KCNIP4: variants seen among roughly 807,000 people sequenced by gnomAD.
The protein encoded by KCNIP4 is potassium voltage-gated channel interacting protein 4.
In KCNIP4, 12 loss-of-function variants were observed where a neutral mutation model predicts 34.0. The observed-to-expected ratio is 0.35, with a 90% confidence interval of 0.23 to 0.57. The LOEUF (loss-of-function observed/expected upper bound fraction) is 0.57, where lower values mean the gene tolerates loss of function less well. Among genes scored for constraint, KCNIP4 ranks in the 20% least tolerant of loss-of-function variants. The pLI, the probability that KCNIP4 is intolerant of heterozygous loss-of-function variation, is 0.83. For synonymous variants in KCNIP4, 124 were observed against 102.2 expected, an observed-to-expected ratio of 1.21 and a Z score of -1.29; for missense variants, 238 against 311.7, an observed-to-expected ratio of 0.76 and a Z score of 1.78.
intron 1 of KCNIP4, among the ~76,000 whole-genome samples, chr4:21,386,748 G>A (rs1722069111): frequency 6.6e-6 from 1 of 152,094 alleles, no homozygotes; most frequent in African/African-American, 2.4e-5. Flanking sequence ...AGTGTTTATG[G>A]TGCCAGACAC....
intron 1 of KCNIP4, among the ~76,000 whole-genome samples, chr4:20,895,631 G>T (rs563096413): frequency 6.6e-6 from 1 of 152,138 alleles, no homozygotes. Context: ...TTCAATAAAA[G>T]TCTTTATTCA....
At chr4:20,919,350 G>A (rs188413170) in intron 1 of KCNIP4, among the ~76,000 whole-genome samples, 28 of 151,920 alleles carry the variant, frequency 1.8e-4, no homozygotes, top group Admixed American at 1.6e-3. Context: ...GGCTGCCTTT[G>A]GGCAGTTTGT....
chr4:21,888,928 G>A (rs545705645), intron 1 of KCNIP4, among the ~76,000 whole-genome samples: 54 of 152,170 alleles, frequency 3.5e-4, no homozygotes, highest in African/African-American at 1.1e-3. Context: ...TAAGCATATC[G>A]AATCTGAAAA....
intron 1 of KCNIP4, among the ~76,000 whole-genome samples, chr4:21,212,800 C>A (rs1448140285): frequency 1.3e-5 from 2 of 152,168 alleles, no homozygotes; most frequent in Non-Finnish European, 2.9e-5. Flanking sequence ...AAAGTCTCGA[C>A]TCTTAATACC....
At chr4:20,916,366 TGTG>T in intron 1 of KCNIP4, 1 of 985,114 alleles carries the variant, frequency 1.0e-6, no homozygotes, top group Non-Finnish European at 1.2e-6. Context: ...CCTGTAAAAT[TGTG>T]GTGATGTGGC....
At chr4:20,897,242 G>A (rs190717898) in intron 1 of KCNIP4, among the ~76,000 whole-genome samples, 147 of 144,806 alleles carry the variant, frequency 1.0e-3, no homozygotes, top group Non-Finnish European at 1.4e-3. Context: ...CCAACCCACC[G>A]CCCCTAAATC....
chr4:21,177,880 A>ATATATATATATATATATGT (rs1754540266), intron 1 of KCNIP4, among the ~76,000 whole-genome samples: 1 of 147,602 alleles, frequency 6.8e-6, no homozygotes, highest in African/African-American at 2.5e-5. Flanking sequence ...ATATATATAA[A>ATATATATATATATATATGT]ATATAACATT....
intron 1 of KCNIP4, among the ~76,000 whole-genome samples, chr4:21,669,338 A>G (rs1577803038): frequency 2.0e-5 from 3 of 152,182 alleles, no homozygotes; most frequent in African/African-American, 2.4e-5. Context: ...GGCCCAAACA[A>G]TCCTCTGGCC....
At chr4:21,797,271 G>T (rs1030322201) in intron 1 of KCNIP4, among the ~76,000 whole-genome samples, 4 of 152,124 alleles carry the variant, frequency 2.6e-5, no homozygotes, top group African/African-American at 9.7e-5. Context: ...CCACTGTGTG[G>T]CTAGGAGTAC....
At chr4:20,840,051 G>T (rs1032108237) in intron 3 of KCNIP4, among the ~76,000 whole-genome samples, 4 of 152,128 alleles carry the variant, frequency 2.6e-5, no homozygotes, top group African/African-American at 9.7e-5. Flanking sequence ...TTGAACATCT[G>T]CTTTGCTTCT....
intron 3 of KCNIP4, among the ~76,000 whole-genome samples, chr4:20,821,564 A>AT (rs1717106112): frequency 6.6e-6 from 1 of 151,724 alleles, no homozygotes; most frequent in South Asian, 2.1e-4. Flanking sequence ...GATTTCTGAG[A>AT]TTTTGGTGCA....
intron 1 of KCNIP4, among the ~76,000 whole-genome samples, chr4:21,212,484 C>G (rs1160709929): frequency 6.6e-6 from 1 of 152,192 alleles, no homozygotes; most frequent in East Asian, 1.9e-4. Flanking sequence ...AGGGCTTCGT[C>G]AGTCCCAAAA....
At chr4:20,819,258 T>C (rs1156505204) in intron 3 of KCNIP4, among the ~76,000 whole-genome samples, 1 of 152,162 alleles carries the variant, frequency 6.6e-6, no homozygotes, top group African/African-American at 2.4e-5. Flanking sequence ...ACACTGTTAA[T>C]AACTAACAGA....
intron 1 of KCNIP4, among the ~76,000 whole-genome samples, chr4:21,742,034 C>T (rs1278526026): frequency 3.3e-5 from 5 of 152,096 alleles, no homozygotes; most frequent in Non-Finnish European, 1.5e-5. Flanking sequence ...GAGACTCCAT[C>T]TCAAAATAAA....
intron 1 of KCNIP4, among the ~76,000 whole-genome samples, chr4:21,041,265 C>CACACACAT (rs1553930465): frequency 3.8e-4 from 58 of 151,354 alleles, no homozygotes; most frequent in African/African-American, 1.4e-3. Context: ...CACACACACA[C>CACACACAT]GCACATGAAA....
At chr4:21,002,976 T>C (rs1738266053) in intron 1 of KCNIP4, among the ~76,000 whole-genome samples, 1 of 152,200 alleles carries the variant, frequency 6.6e-6, no homozygotes, top group Non-Finnish European at 1.5e-5. Context: ...CCTCACATAA[T>C]GAAAGATTTG....
At chr4:20,977,377 A>T (rs1205122251) in intron 1 of KCNIP4, among the ~76,000 whole-genome samples, 1 of 151,650 alleles carries the variant, frequency 6.6e-6, no homozygotes, top group Non-Finnish European at 1.5e-5. Context: ...AAGTCCTAAC[A>T]CTCTCTGAGA....
intron 1 of KCNIP4, among the ~76,000 whole-genome samples, chr4:21,096,242 C>T (rs895309483): frequency 2.6e-5 from 4 of 152,142 alleles, no homozygotes; most frequent in African/African-American, 9.7e-5. Context: ...CCCATACCCT[C>T]ATTTGTTAGA....
chr4:20,801,495 G>A (rs946046343), intron 3 of KCNIP4, among the ~76,000 whole-genome samples: 7 of 152,030 alleles, frequency 4.6e-5, no homozygotes, highest in African/African-American at 1.7e-4. Flanking sequence ...GCTACAATAA[G>A]TTGTTAAGAA....
Sources: gnomAD v4.1 joint callset for allele counts (sites outside exome capture counted in the v4.1 genomes callset) on GRCh38, gnomAD v4.1.1 for gene constraint, MANE v1.5 for transcripts, NCBI Gene and HGNC (gene_info 2026-07-23, HGNC 2026-07-21) for gene names.